Variants in GFPT2 observed in about 807,000 individuals in gnomAD.
The protein encoded by GFPT2 is glutamine--fructose-6-phosphate transaminase 2.
Under a neutral mutation model 85.6 loss-of-function variants are expected in GFPT2, and 62 were observed. The ratio of observed to expected loss-of-function variants is 0.72; its 90% CI spans 0.59 to 0.90. The LOEUF (loss-of-function observed/expected upper bound fraction) is 0.90. Among genes scored for constraint, GFPT2 ranks in the 40% least tolerant of loss-of-function variants. The pLI is 0.00. For missense variants in GFPT2, 788 were observed against 893.4 expected (o/e 0.88, Z 1.50); for synonymous variants, 368 against 344.5 (o/e 1.07, Z -0.75).
At chr5:180,308,902 C>G (rs543169827) in intron 15 of GFPT2, among the ~76,000 whole-genome samples, 19 of 150,994 alleles carry the variant, frequency 1.3e-4, no homozygotes, top group African/African-American at 4.4e-4. Context: ...CAGAGTCTCA[C>G]TCTGTCACCC....
chr5:180,352,948 G>A (rs1342368002), intron 1 of GFPT2: 3 of 424,496 alleles, frequency 7.1e-6, no homozygotes, highest in East Asian at 8.1e-5. Context: ...CGTGGGGACC[G>A]GGCCTCGGTC....
chr5:180,313,493 G>A lies in GFPT2; in HGVS notation c.1431+314C>T, dbSNP rs567206546. 9.9e-5 allele frequency among the ~76,000 whole-genome samples: 15 copies of A among 151,476 alleles called. 1 individual carries two copies. Among genetic ancestry groups the A allele is most frequent in the East Asian group, 8.0e-4 (4 of 5,024 alleles). On this transcript the variant is annotated intron_variant, in intron 14 of 18. Transcript: ENST00000253778. Reference sequence around the variant, plus strand: ...TAGTCCCAGCTACTCGGGAGGCTGAGGCAGGAGAATGGCGTGAACCCGGGA... The same window carrying A: ...TAGTCCCAGCTACTCGGGAGGCTGAAGCAGGAGAATGGCGTGAACCCGGGA...
chr5:180,328,402 G>T lies in GFPT2; in HGVS notation c.535-64C>A. On this transcript the variant is annotated intron_variant, in intron 6 of 18. Coordinates refer to ENST00000253778, the MANE Select transcript of GFPT2 (RefSeq NM_005110.4). The surrounding 1 kb of genome is among the most constrained non-coding windows in gnomAD (Gnocchi z 5.4). ...CAGCCGCTGCTGCAGCCTGGCCACA[G>T]CCCAGGTGCGTCTCCCTGGGCCCCT... The T allele has an allele frequency of 7.7e-7, 1 of 1,294,380 alleles. No homozygotes were observed. The highest frequency in any genetic ancestry group is 1.1e-6 in the Non-Finnish European group (1 of 889,990). 80.2% of individuals were successfully genotyped at this position (1,294,380 alleles called of 1,614,324 possible). A position where few individuals can be genotyped will look rare whatever the true frequency, so the allele number is the denominator to read the frequency against.
rs570763089 is a variant in GFPT2 at position 180,324,653 on chromosome 5, T to C, written c.676+163A>G. 5.8e-4 allele frequency among the ~76,000 whole-genome samples: 88 copies of C among 152,348 alleles called. 1 individual carries two copies. Among genetic ancestry groups the C allele is most frequent in the African/African-American group, 2.0e-3 (84 of 41,582 alleles). On this transcript the variant is annotated intron_variant, in intron 8 of 18. Coordinates refer to ENST00000253778, the MANE Select transcript of GFPT2 (RefSeq NM_005110.4). ...AAAGCTTAAAAAAAATGGAGCCAAG[T>C]CTCAGTTGCACAAAAACCTTTTAGA... is the stretch of plus-strand genomic sequence containing the variant.
At chr5:180,337,745 C>T (rs1424041850) in intron 2 of GFPT2, among the ~76,000 whole-genome samples, 1 of 152,016 alleles carries the variant, frequency 6.6e-6, no homozygotes, top group African/African-American at 2.4e-5. Flanking sequence ...CACGTGTGCC[C>T]CCATGAAACC....
rs543324626 is a variant in GFPT2 at position 180,337,988 on chromosome 5, C to T, written c.115+505G>A. Reference sequence around the variant, plus strand: ...TCTCTACAAAAAATAAAAAATTAGCCGGGTGTGGTGGTGCACGCCTGTAGT... The same window carrying T: ...TCTCTACAAAAAATAAAAAATTAGCTGGGTGTGGTGGTGCACGCCTGTAGT... On this transcript the variant is annotated intron_variant, in intron 2 of 18. Transcript: ENST00000253778. 3.9e-5 allele frequency among the ~76,000 whole-genome samples: 6 copies of T among 152,004 alleles called. No individual in the cohort carries two copies. The South Asian group carries it at 8.3e-4, about 21-fold the overall frequency.
chr5:180,307,835 A>T (rs1463019369), intron 15 of GFPT2, among the ~76,000 whole-genome samples: 2 of 152,258 alleles, frequency 1.3e-5, no homozygotes. Context: ...ACTGAGGACC[A>T]GGCGTGGTGG....
At chr5:180,308,251 A>G (rs1055963738) in intron 15 of GFPT2, among the ~76,000 whole-genome samples, 16 of 150,734 alleles carry the variant, frequency 1.1e-4, no homozygotes, top group East Asian at 1.9e-4. Context: ...GCGAGACTCC[A>G]TCTCGAAAAA....
chr5:180,310,703 G>GC (rs1763863465), intron 15 of GFPT2, among the ~76,000 whole-genome samples: 1 of 143,584 alleles, frequency 7.0e-6, no homozygotes, highest in African/African-American at 2.9e-5. Flanking sequence ...GAGCCACCGC[G>GC]CCCGGCCATC....
At chr5:180,308,859 C>A (rs1364867624) in intron 15 of GFPT2, among the ~76,000 whole-genome samples, 1 of 150,930 alleles carries the variant, frequency 6.6e-6, no homozygotes, top group Non-Finnish European at 1.5e-5. Flanking sequence ...TCACCTTGAT[C>A]TCATCAGAGA....
intron 1 of GFPT2, among the ~76,000 whole-genome samples, chr5:180,339,067 C>T (rs1764458813): frequency 6.6e-6 from 1 of 152,086 alleles, no homozygotes; most frequent in African/African-American, 2.4e-5. Flanking sequence ...CTCCGTAAGG[C>T]TGGAACTTGA....
chr5:180,307,863 C>T (rs1255838735), intron 15 of GFPT2, among the ~76,000 whole-genome samples: 3 of 152,048 alleles, frequency 2.0e-5, no homozygotes, highest in South Asian at 2.1e-4. Flanking sequence ...CTGTAATCGC[C>T]GCACTTTGGG....
At chr5:180,335,398 C>A (rs2127655139) in intron 4 of GFPT2, among the ~76,000 whole-genome samples, 1 of 152,336 alleles carries the variant, frequency 6.6e-6, no homozygotes, top group African/African-American at 2.4e-5. Context: ...TCACCTGGAC[C>A]ACTCTGTGGG....
intron 1 of GFPT2, among the ~76,000 whole-genome samples, chr5:180,342,440 C>T (rs1261922128): frequency 7.1e-5 from 9 of 126,840 alleles, no homozygotes; most frequent in East Asian, 2.3e-4. Context: ...GACAGGGTCT[C>T]GCTCTGTTGC....
chr5:180,306,405 G>A (rs368424107), intron 16 of GFPT2, among the ~76,000 whole-genome samples: 2 of 152,182 alleles, frequency 1.3e-5, no homozygotes, highest in Admixed American at 1.3e-4. Context: ...CACTGTCCCC[G>A]TCACCTGGGC....
In GFPT2 at chr5:180,332,256, A is replaced by AG. The variant is rs571124265; in HGVS notation, c.341-704dup. ...GAGGTGGCGGGGGGGCGGGGGGAGCAGGGGGATGCGGGGGATGCGGTGAGG... is the reference window on the plus strand; with the variant it reads ...GAGGTGGCGGGGGGGCGGGGGGAGCAGGGGGGATGCGGGGGATGCGGTGAGG... On this transcript the variant is annotated intron_variant, in intron 4 of 18. Coordinates refer to ENST00000253778, the MANE Select transcript of GFPT2 (RefSeq NM_005110.4). Among the ~76,000 whole-genome samples, 819 of 124,152 alleles carry AG rather than the reference A, an allele frequency of 6.6e-3. 6 individuals carry two copies. The highest frequency in any genetic ancestry group is 0.021 in the African/African-American group (767 of 37,096). 81.4% of individuals were successfully genotyped at this position (124,152 alleles called of 152,430 possible).
At position 180,353,305 on chromosome 5, in the gene GFPT2, CGTGG is replaced by C. The variant is rs1191536497; in HGVS notation, c.-92_-89del. 29 of 977,824 alleles carry C rather than the reference CGTGG, an allele frequency of 3.0e-5. No individual in the cohort carries two copies. The African/African-American group carries it at 3.1e-4, about 10-fold the overall frequency. 60.6% of individuals were successfully genotyped at this position (977,824 alleles called of 1,614,324 possible). ...CCTCCGTGGGCTCCTCCGTGGGCTCCGTGGGCTCCGTGGGCTCCGCGGGCTCCAG... is the reference window on the plus strand; with the variant it reads ...CCTCCGTGGGCTCCTCCGTGGGCTCCGCTCCGTGGGCTCCGCGGGCTCCAG... On this transcript the variant is annotated 5_prime_UTR_variant, in exon 1 of 19. Transcript: ENST00000253778.
At chr5:180,352,532 C>G (rs911111040) in intron 1 of GFPT2, 50 of 443,906 alleles carry the variant, frequency 1.1e-4, no homozygotes, top group African/African-American at 9.4e-4. Context: ...ATCGGACGCC[C>G]GGCCCCGCTC....
At chr5:180,319,780 CT>C (rs1328056657) in intron 9 of GFPT2, among the ~76,000 whole-genome samples, 6 of 152,214 alleles carry the variant, frequency 3.9e-5, no homozygotes, top group Admixed American at 1.3e-4. Context: ...TAAGATCGAG[CT>C]TTTAACACTT....
Sources: allele counts gnomAD v4.1 joint callset (sites outside exome capture counted in the v4.1 genomes callset), GRCh38; gene constraint gnomAD v4.1.1; non-coding constraint Gnocchi (gnomAD v3.1); transcripts MANE v1.5; gene names NCBI Gene and HGNC (gene_info 2026-07-23, HGNC 2026-07-21).